GPC5: variants seen among roughly 807,000 people sequenced by gnomAD.
The protein encoded by GPC5 is glypican 5.
Under a neutral mutation model 53.9 loss-of-function variants are expected in GPC5, and 47 were observed. The observed-to-expected ratio is 0.87, with a 90% confidence interval of 0.69 to 1.11. The LOEUF (loss-of-function observed/expected upper bound fraction) is 1.11. GPC5 is among the 50% of genes most tolerant of loss of function. GPC5 has a pLI of 0.00. For synonymous variants in GPC5, 286 were observed against 263.3 expected (o/e 1.09, Z -0.84); for missense variants, 748 against 713.1 (o/e 1.05, Z -0.56).
chr13:92,435,937 A>G (rs1877288778), intron 7 of GPC5, among the ~76,000 whole-genome samples: 1 of 152,230 alleles, frequency 6.6e-6, no homozygotes, highest in African/African-American at 2.4e-5. Flanking sequence ...TTCATTTGCC[A>G]AAAGTACATG....
At chr13:92,804,797 A>G (rs1022125959) in intron 7 of GPC5, among the ~76,000 whole-genome samples, 7 of 152,172 alleles carry the variant, frequency 4.6e-5, no homozygotes, top group Non-Finnish European at 5.9e-5. Flanking sequence ...ATTGAAATCA[A>G]TCTTCTCAAA....
At chr13:92,152,387 G>A (rs1033676435) in intron 7 of GPC5, among the ~76,000 whole-genome samples, 2 of 152,126 alleles carry the variant, frequency 1.3e-5, no homozygotes, top group African/African-American at 4.8e-5. Context: ...TGATTTTTTT[G>A]TGAAGATTAA....
At chr13:91,579,884 C>G (rs2032293149) in intron 2 of GPC5, among the ~76,000 whole-genome samples, 1 of 152,008 alleles carries the variant, frequency 6.6e-6, no homozygotes, top group Admixed American at 6.6e-5. Flanking sequence ...CTCTGCCTCC[C>G]AAAGTGCATC....
intron 7 of GPC5, chr13:92,510,233 CTTTATG>C (rs1880516955): frequency 6.6e-6 from 1 of 151,898 alleles, no homozygotes; most frequent in Non-Finnish European, 1.5e-5. Context: ...TTAAAGGCAT[CTTTATG>C]TTTATTCTTA....
At chr13:92,201,104 T>C (rs895434533) in intron 7 of GPC5, among the ~76,000 whole-genome samples, 2 of 152,226 alleles carry the variant, frequency 1.3e-5, no homozygotes, top group African/African-American at 4.8e-5. Context: ...CTCTGGACTT[T>C]AGTGAATGCC....
At chr13:92,450,504 T>C (rs542678895) in intron 7 of GPC5, among the ~76,000 whole-genome samples, 2 of 152,254 alleles carry the variant, frequency 1.3e-5, no homozygotes, top group Non-Finnish European at 2.9e-5. Context: ...GCTCAAAAAG[T>C]TCTGGATTTT....
intron 7 of GPC5, among the ~76,000 whole-genome samples, chr13:92,305,373 C>T (rs1331335255): frequency 6.6e-6 from 1 of 152,018 alleles, no homozygotes; most frequent in Non-Finnish European, 1.5e-5. Context: ...AATACCTAAC[C>T]TGGCATTAAA....
At chr13:91,973,799 G>T (rs2139096032) in intron 6 of GPC5, among the ~76,000 whole-genome samples, 1 of 152,276 alleles carries the variant, frequency 6.6e-6, no homozygotes, top group East Asian at 1.9e-4. Flanking sequence ...TAGAACAGTG[G>T]ATTTTGGTGA....
intron 7 of GPC5, among the ~76,000 whole-genome samples, chr13:92,282,631 C>A (rs1413322016): frequency 6.6e-6 from 1 of 152,126 alleles, no homozygotes; most frequent in Non-Finnish European, 1.5e-5. Flanking sequence ...AATTTCATAT[C>A]CAGCCAAACT....
At chr13:91,738,719 A>G (rs1451007753) in intron 4 of GPC5, among the ~76,000 whole-genome samples, 3 of 151,086 alleles carry the variant, frequency 2.0e-5, no homozygotes, top group Non-Finnish European at 4.4e-5. Context: ...TGCATTTTTA[A>G]TTTTTACTGT....
chr13:92,710,848 C>A (rs1271218204), intron 7 of GPC5, among the ~76,000 whole-genome samples: 2 of 151,964 alleles, frequency 1.3e-5, no homozygotes, highest in African/African-American at 4.8e-5. Flanking sequence ...CTAATGATAT[C>A]CTAGGAAGAA....
chr13:91,993,859 A>G (rs925760349), intron 6 of GPC5, among the ~76,000 whole-genome samples: 1 of 152,178 alleles, frequency 6.6e-6, no homozygotes, highest in African/African-American at 2.4e-5. Context: ...AAATAAGAAA[A>G]TGATCAGGAT....
chr13:91,529,226 G>A (rs1459990927), intron 2 of GPC5, among the ~76,000 whole-genome samples: 5 of 152,172 alleles, frequency 3.3e-5, no homozygotes, highest in East Asian at 1.9e-4. Flanking sequence ...TGCATATCCT[G>A]CCTTCATAAA....
At chr13:91,981,907 C>T (rs966351730) in intron 6 of GPC5, among the ~76,000 whole-genome samples, 2 of 152,054 alleles carry the variant, frequency 1.3e-5, no homozygotes, top group Non-Finnish European at 2.9e-5. Flanking sequence ...AGAGTTAGCT[C>T]AGTAAACAGG....
chr13:91,560,774 TTAA>T lies in GPC5; in HGVS notation c.325+111854_325+111856del, dbSNP rs2031216135. 3.3e-5 allele frequency among the ~76,000 whole-genome samples: 5 copies of T among 149,630 alleles called. No homozygotes were observed. The South Asian group carries it at 6.3e-4, about 19-fold the overall frequency. Reference sequence around the variant, plus strand: ...ATGTGATTTTTTTTAGGAAAAAAAATTAATGTTATAATTAAAAAAAAAATCTGA... The same window carrying T: ...ATGTGATTTTTTTTAGGAAAAAAAATTGTTATAATTAAAAAAAAAATCTGA... On this transcript the variant is annotated intron_variant, in intron 2 of 7. Transcript: ENST00000377067.
intron 7 of GPC5, among the ~76,000 whole-genome samples, chr13:92,266,008 C>A (rs1329835501): frequency 6.6e-6 from 1 of 152,104 alleles, no homozygotes; most frequent in Non-Finnish European, 1.5e-5. Flanking sequence ...ACAAACCCAC[C>A]CCCGTAATAA....
chr13:91,963,553 A>T (rs2139078608), intron 6 of GPC5, among the ~76,000 whole-genome samples: 1 of 151,466 alleles, frequency 6.6e-6, no homozygotes, highest in African/African-American at 2.4e-5. Context: ...GATTGGTCAT[A>T]TGTAGCAGAG....
chr13:91,444,266 T>A (rs9560798), intron 1 of GPC5, among the ~76,000 whole-genome samples: 67,503 of 152,010 alleles, frequency 0.44, 15,950 homozygotes, highest in Middle Eastern at 0.56. Flanking sequence ...GTTTTAAAAT[T>A]CTGACATATG....
chr13:91,693,193 T>G lies in GPC5; in HGVS notation c.332T>G (p.Leu111Arg), dbSNP rs1284813407. Reference protein sequence around the residue: ...SRNAAAFQETLETLIKQAENY... With the variant: ...SRNAAAFQETRETLIKQAENY... The stretch of plus-strand genomic sequence containing the variant: ...ACCTCTGCTTGTGTTACAGAAACCC[T>G]TGAAACTCTCATCAAACAAGCAGAA... The change falls in exon 3 of 8, where the codon CTT (leucine) becomes CGT (arginine). Residue 111 changes from leucine to arginine, a missense_variant. Coordinates refer to ENST00000377067, the MANE Select transcript of GPC5 (RefSeq NM_004466.6). 2 of 1,611,882 alleles carry G rather than the reference T, an allele frequency of 1.2e-6. No homozygotes were observed. The highest frequency in any genetic ancestry group is 1.7e-5 in the Admixed American group (1 of 59,780).
Sources: gnomAD v4.1 joint callset for allele counts (sites outside exome capture counted in the v4.1 genomes callset) on GRCh38, gnomAD v4.1.1 for gene constraint, MANE v1.5 for transcripts, NCBI Gene and HGNC (gene_info 2026-07-23, HGNC 2026-07-21) for gene names.